PRKAA2: variants seen among roughly 807,000 people sequenced by gnomAD.
The protein encoded by PRKAA2 is protein kinase AMP-activated catalytic subunit alpha 2, also known as 5'-AMP-activated protein kinase catalytic subunit alpha-2.
Under a neutral mutation model 56.3 loss-of-function variants are expected in PRKAA2, and 40 were observed. That is an observed-to-expected ratio of 0.71 (90% CI 0.55 to 0.92). The LOEUF (loss-of-function observed/expected upper bound fraction) is 0.92. Ranked by LOEUF, PRKAA2 falls within the 40% of genes least tolerant of loss-of-function variation. The pLI, the probability that PRKAA2 is intolerant of heterozygous loss-of-function variation, is 0.00. For synonymous variants in PRKAA2, 214 were observed against 234.2 expected, an observed-to-expected ratio of 0.91 and a Z score of 0.79; for missense variants, 542 against 686.9, an observed-to-expected ratio of 0.79 and a Z score of 2.36.
At position 56,713,899 on chromosome 1, in the gene PRKAA2, T is replaced by G. The variant is rs1003201030; in HGVS notation, c.*6186T>G. 2 of 149,688 alleles carry G rather than the reference T, an allele frequency of 1.3e-5. No individual in the cohort carries two copies. The highest frequency in any genetic ancestry group is 6.7e-5 in the Admixed American group (1 of 15,012). 9.3% of individuals were successfully genotyped at this position (149,688 alleles called of 1,614,324 possible). A position where few individuals can be genotyped will look rare whatever the true frequency, so the allele number is the denominator to read the frequency against. The stretch of plus-strand genomic sequence containing the variant: ...AAATTGTGCCTTCTCCCTTAAATTA[T>G]AAGAAGAGTAATAGTAAAAACTTGT... On this transcript the variant is annotated 3_prime_UTR_variant, in exon 9 of 9. Coordinates refer to ENST00000371244, the MANE Select transcript of PRKAA2 (RefSeq NM_006252.4).
chr1:56,659,849 A>G (rs1005504129), intron 1 of PRKAA2, among the ~76,000 whole-genome samples: 2 of 152,296 alleles, frequency 1.3e-5, no homozygotes, highest in African/African-American at 4.8e-5. Context: ...TTGAGGCTGC[A>G]GTGAGCTGTG....
At chr1:56,706,440 AT>A (rs1644332819) in intron 8 of PRKAA2, among the ~76,000 whole-genome samples, 1 of 152,222 alleles carries the variant, frequency 6.6e-6, no homozygotes, top group African/African-American at 2.4e-5. Flanking sequence ...GCGTAAAAGA[AT>A]CATTTGAAGT....
chr1:56,661,629 A>G (rs549395096), intron 1 of PRKAA2, among the ~76,000 whole-genome samples: 18 of 152,252 alleles, frequency 1.2e-4, no homozygotes, highest in African/African-American at 3.8e-4. Context: ...GCTATTTTAC[A>G]CATTCCTGTA....
intron 1 of PRKAA2, among the ~76,000 whole-genome samples, chr1:56,663,972 G>A (rs879306187): frequency 4.6e-5 from 7 of 152,094 alleles, no homozygotes; most frequent in Non-Finnish European, 8.8e-5. Context: ...AGTGGTGCAC[G>A]CCTATGGTTA....
chr1:56,653,378 A>G (rs999771453), intron 1 of PRKAA2, among the ~76,000 whole-genome samples: 2 of 151,988 alleles, frequency 1.3e-5, no homozygotes, highest in African/African-American at 4.8e-5. Flanking sequence ...TATTTTAAAT[A>G]GGAAACAATG....
chr1:56,645,491 G>A lies in PRKAA2; in HGVS notation c.94+10G>A. On this transcript the variant is annotated intron_variant, in intron 1 of 8. Transcript: ENST00000371244. ...TTCGGCAAAGTGAAGAGTTGAGTAC[G>A]CGCTCCGGACCGCTGTGCGGGGCTG... The A allele has an allele frequency of 2.0e-6, 3 of 1,476,836 alleles. No homozygotes were observed. Among genetic ancestry groups the A allele is most frequent in the Non-Finnish European group, 2.7e-6 (3 of 1,105,736 alleles). The allele number at this position is 1,476,836 out of a possible 1,614,324, so 91.5% of individuals were successfully genotyped here.
At chr1:56,691,309 A>T in intron 2 of PRKAA2, 85 bp from the exon 3 acceptor site, 1 of 837,354 alleles carries the variant, frequency 1.2e-6, no homozygotes, top group Middle Eastern at 3.5e-4. Context: ...ACATTGAAAT[A>T]TAAAATTGTA....
chr1:56,652,291 G>C (rs574467163), intron 1 of PRKAA2, among the ~76,000 whole-genome samples: 1 of 151,994 alleles, frequency 6.6e-6, no homozygotes, highest in Non-Finnish European at 1.5e-5. Flanking sequence ...GAGTAAAGGC[G>C]TGAGCTATTG....
intron 1 of PRKAA2, among the ~76,000 whole-genome samples, chr1:56,649,911 A>G (rs971949203): frequency 6.6e-6 from 1 of 152,182 alleles, no homozygotes; most frequent in South Asian, 2.1e-4. Context: ...CCTGGCTAAC[A>G]TGGTGAAACC....
chr1:56,679,755 T>C (rs1295665528), intron 2 of PRKAA2, among the ~76,000 whole-genome samples: 4 of 152,108 alleles, frequency 2.6e-5, no homozygotes, highest in African/African-American at 9.7e-5. Context: ...TTGAACGGTA[T>C]GGGTTTGAAC....
At chr1:56,661,121 T>G (rs1426272823) in intron 1 of PRKAA2, among the ~76,000 whole-genome samples, 1 of 152,144 alleles carries the variant, frequency 6.6e-6, no homozygotes, top group Non-Finnish European at 1.5e-5. Context: ...GACCACCCCA[T>G]GAGGCCCAAC....
Position 56,674,404 on chromosome 1 carries a change from C to T in PRKAA2, c.118C>T (p.His40Tyr). ...AGTTGGAGAACATCAATTAACAGGC[C>T]ATAAAGTGGCAGTTAAAATCTTAAA... is the stretch of plus-strand genomic sequence containing the variant. The part of the protein sequence containing the change: ...VKIGEHQLTG[H>Y]KVAVKILNRQ... The change falls in exon 2 of 9, where the codon CAT becomes TAT. Residue 40 changes from histidine to tyrosine, a missense_variant. His to Tyr is a moderately conservative substitution (Grantham distance 83). Around this residue, in one of 5 missense-constraint regions of PRKAA2, gnomAD observed 59 missense variants for 53.9 expected, o/e 1.09. Transcript: ENST00000371244. 6.3e-7 allele frequency: 1 copy of T among 1,575,074 alleles called. No homozygotes were observed. Among genetic ancestry groups the T allele is most frequent in the South Asian group, 1.2e-5 (1 of 83,724 alleles).
intron 1 of PRKAA2, among the ~76,000 whole-genome samples, chr1:56,672,103 G>A (rs1410508191): frequency 6.6e-6 from 1 of 151,768 alleles, no homozygotes; most frequent in Non-Finnish European, 1.5e-5. Flanking sequence ...AATGCTGAAT[G>A]TGGTTTTTTT....
intron 6 of PRKAA2, among the ~76,000 whole-genome samples, chr1:56,698,455 G>A (rs1027061150): frequency 6.6e-6 from 1 of 151,946 alleles, no homozygotes; most frequent in Non-Finnish European, 1.5e-5. Context: ...TTTAAATTAG[G>A]GACCAATTAT....
intron 4 of PRKAA2, among the ~76,000 whole-genome samples, chr1:56,692,866 C>T (rs1644238128): frequency 6.6e-6 from 1 of 151,544 alleles, no homozygotes; most frequent in Admixed American, 6.6e-5. Flanking sequence ...GGCACTTTCC[C>T]TGATGAATGC....
At chr1:56,663,640 C>T (rs1388408714) in intron 1 of PRKAA2, among the ~76,000 whole-genome samples, 1 of 152,216 alleles carries the variant, frequency 6.6e-6, no homozygotes, top group East Asian at 1.9e-4. Context: ...AATGTTTGCT[C>T]AACTTTAACT....
Position 56,707,836 on chromosome 1 carries a change from G to A in PRKAA2, c.*123G>A. 2 of 896,252 alleles carry A rather than the reference G, an allele frequency of 2.2e-6. No individual in the cohort carries two copies. Among genetic ancestry groups the A allele is most frequent in the South Asian group, 1.7e-5 (1 of 59,234 alleles). The allele number at this position is 896,252 out of a possible 1,614,324, so 55.5% of individuals were successfully genotyped here. On this transcript the variant is annotated 3_prime_UTR_variant, in exon 9 of 9. Coordinates refer to ENST00000371244, the MANE Select transcript of PRKAA2 (RefSeq NM_006252.4). ...TGAGAAACATGAATTATTTCCAGGG[G>A]CACACAATGCTATTGAAATTACTGA...
chr1:56,649,135 C>G (rs917515313), intron 1 of PRKAA2, among the ~76,000 whole-genome samples: 1 of 152,076 alleles, frequency 6.6e-6, no homozygotes, highest in African/African-American at 2.4e-5. Context: ...TTGCCTAGCC[C>G]AAGTCTCAAA....
Position 56,707,588 on chromosome 1 carries a change from C to T in PRKAA2, c.1534C>T (p.Leu512Phe), listed in dbSNP as rs1644340683. The T allele has an allele frequency of 6.2e-7, 1 of 1,613,908 alleles. No individual in the cohort carries two copies. Among genetic ancestry groups the T allele is most frequent in the Non-Finnish European group, 8.5e-7 (1 of 1,179,804 alleles). ...TTCCACAACTGCAGAGAGCCATTCA[C>T]TTTCTGGCTCTCTCACTGGCTCTTT... ...FDSTTAESHSLSGSLTGSLTG... is the reference protein window; with the variant it reads ...FDSTTAESHSFSGSLTGSLTG... Residue 512 changes from leucine to phenylalanine, a missense_variant, in exon 9 of 9, where the codon CTT becomes TTT. This residue lies in a region of PRKAA2 where 158 missense variants were observed against 166.1 expected (regional missense o/e 0.95). Coordinates refer to ENST00000371244, the MANE Select transcript of PRKAA2 (RefSeq NM_006252.4).
Sources: allele counts gnomAD v4.1 joint callset (sites outside exome capture counted in the v4.1 genomes callset), GRCh38; gene constraint gnomAD v4.1.1; regional missense constraint gnomAD v4.1.1; transcripts MANE v1.5; gene names NCBI Gene and HGNC (gene_info 2026-07-23, HGNC 2026-07-21).